ARSK: variants seen among roughly 807,000 people sequenced by gnomAD.
The protein encoded by ARSK is arylsulfatase K.
Under a neutral mutation model 53.2 loss-of-function variants are expected in ARSK, and 37 were observed. That is an observed-to-expected ratio of 0.70 (90% CI 0.54 to 0.92). ARSK has a LOEUF of 0.92. Among genes scored for constraint, ARSK ranks in the 40% least tolerant of loss-of-function variants. The probability of loss-of-function intolerance (pLI) is 0.00; values close to 1 mark genes in which losing one functional copy is unlikely to be tolerated. For missense variants in ARSK, 613 were observed against 643.0 expected, an observed-to-expected ratio of 0.95 and a Z score of 0.51; for synonymous variants, 208 against 223.2, an observed-to-expected ratio of 0.93 and a Z score of 0.61.
At chr5:95,562,524 A>G (rs1390293478) in intron 1 of ARSK, among the ~76,000 whole-genome samples, 2 of 152,206 alleles carry the variant, frequency 1.3e-5, no homozygotes, top group Admixed American at 6.5e-5. Context: ...TTTTATTAGG[A>G]TGATTAATTC....
chr5:95,558,053 C>T (rs924820120), intron 1 of ARSK, among the ~76,000 whole-genome samples: 2 of 152,326 alleles, frequency 1.3e-5, no homozygotes, highest in Middle Eastern at 3.4e-3. Flanking sequence ...ACTACTCCCC[C>T]TCGGCTCCCA....
At chr5:95,557,664 G>A (rs758198612) in intron 1 of ARSK, among the ~76,000 whole-genome samples, 2 of 152,174 alleles carry the variant, frequency 1.3e-5, no homozygotes, top group Admixed American at 1.3e-4. Flanking sequence ...TTGGTATGCT[G>A]TTAGATTCTT....
chr5:95,578,016 A>C (rs185079132), intron 3 of ARSK, among the ~76,000 whole-genome samples: 70 of 152,314 alleles, frequency 4.6e-4, no homozygotes, highest in African/African-American at 1.6e-3. Flanking sequence ...ATGATGTTCC[A>C]ACCTGAATTT....
intron 6 of ARSK, among the ~76,000 whole-genome samples, chr5:95,595,861 G>T (rs1399890964): frequency 6.6e-6 from 1 of 152,154 alleles, no homozygotes; most frequent in East Asian, 1.9e-4. Flanking sequence ...ATTTTAACAA[G>T]TGAAATGTGT....
chr5:95,562,162 G>A (rs1748646732), intron 1 of ARSK, among the ~76,000 whole-genome samples: 2 of 152,168 alleles, frequency 1.3e-5, no homozygotes, highest in African/African-American at 4.8e-5. Flanking sequence ...AGTGAACCGA[G>A]ATTGTGCCAC....
At position 95,582,963 on chromosome 5, in the gene ARSK, A is replaced by C. The variant is rs1376578508; in HGVS notation, c.464A>C (p.Gln155Pro). The change falls in exon 4 of 8, where the codon CAA (glutamine) becomes CCA (proline). Residue 155 changes from glutamine to proline, a missense_variant. By Grantham distance (76) the Gln-to-Pro change is moderately conservative (BLOSUM62 -1). Coordinates refer to ENST00000380009, the MANE Select transcript of ARSK (RefSeq NM_198150.3). Reference protein sequence around the residue: ...WTRDVAFLLRQEGRPMVNLIR... With the variant: ...WTRDVAFLLRPEGRPMVNLIR... Reference sequence around the variant, plus strand: ...AGAGATGTTGCTTTCTTACTCAGACAAGAAGGCAGGCCCATGGTTAATCTT... The same window carrying C: ...AGAGATGTTGCTTTCTTACTCAGACCAGAAGGCAGGCCCATGGTTAATCTT... 3.1e-6 allele frequency: 5 copies of C among 1,612,896 alleles called. No homozygotes were observed. Among genetic ancestry groups the C allele is most frequent in the Non-Finnish European group, 4.2e-6 (5 of 1,179,144 alleles).
At position 95,556,611 on chromosome 5, in the gene ARSK, A is replaced by C. The variant is rs1580211229; in HGVS notation, c.126+1207A>C. On this transcript the variant is annotated intron_variant, in intron 1 of 7. Transcript: ENST00000380009. ...TTCCTAAAAGGGAATCCGAATGTGG[A>C]TCACAACATCCCAGAAACTTCCAAA... is the stretch of plus-strand genomic sequence containing the variant. The C allele has an allele frequency of 1.6e-5, 3 of 190,996 alleles. No individual in the cohort carries two copies. The East Asian group carries it at 3.9e-4, about 25-fold the overall frequency. The allele number at this position is 190,996 out of a possible 1,614,324, so 11.8% of individuals were successfully genotyped here.
intron 1 of ARSK, among the ~76,000 whole-genome samples, chr5:95,557,820 A>G (rs1748551762): frequency 6.6e-6 from 1 of 152,264 alleles, no homozygotes. Context: ...CAAGAAAACA[A>G]GCAAACCAAA....
intron 5 of ARSK, among the ~76,000 whole-genome samples, chr5:95,586,953 T>C (rs1443026088): frequency 1.3e-5 from 2 of 152,154 alleles, no homozygotes; most frequent in African/African-American, 4.8e-5. Flanking sequence ...CTCAGATTTA[T>C]TCACACATAA....
At chr5:95,584,831 T>C (rs1206206568) in intron 4 of ARSK, among the ~76,000 whole-genome samples, 1 of 151,976 alleles carries the variant, frequency 6.6e-6, no homozygotes, top group East Asian at 1.9e-4. Context: ...ACCAACACGG[T>C]GAAACCCTGT....
At chr5:95,590,809 C>A (rs1729523511) in intron 5 of ARSK, among the ~76,000 whole-genome samples, 1 of 152,186 alleles carries the variant, frequency 6.6e-6, no homozygotes, top group Non-Finnish European at 1.5e-5. Context: ...TCCCATTATT[C>A]CCTATCCAAG....
intron 7 of ARSK, 49 bp from the exon 8 acceptor site, chr5:95,603,188 A>T (rs756316350): frequency 2.1e-6 from 3 of 1,439,294 alleles, no homozygotes; most frequent in East Asian, 4.6e-5. Flanking sequence ...TTCTAAAAAA[A>T]TTTTTAGCAG....
rs755977894 is a variant in ARSK, at chr5:95,555,291, TG to T, written c.16del (p.Val6CysfsTer33). On this transcript the variant is annotated frameshift_variant, in exon 1 of 8. Coordinates refer to ENST00000380009, the MANE Select transcript of ARSK (RefSeq NM_198150.3). LOFTEE classifies it high-confidence loss of function. This position sits in a 1 kb window ranked among gnomAD's most constrained non-coding sequence, Gnocchi z 4.0. Reference protein sequence around the residue: MLLLWVSVVAALALA... With the variant: MLLLXVSVVAALALA... The stretch of plus-strand genomic sequence containing the variant: ...ACCGCTACCGGCGATGCTACTGCTG[TG>T]GGTGTCGGTGGTCGCAGCCTTGGCG... 7 of 1,600,708 alleles carry T rather than the reference TG, an allele frequency of 4.4e-6. No homozygotes were observed. The highest frequency in any genetic ancestry group is 5.9e-6 in the Non-Finnish European group (7 of 1,178,672).
chr5:95,594,943 T>C (rs1396460470), intron 6 of ARSK, among the ~76,000 whole-genome samples: 1 of 152,244 alleles, frequency 6.6e-6, no homozygotes, highest in Non-Finnish European at 1.5e-5. Flanking sequence ...TTACATTTCA[T>C]ATTTCTTAGA....
chr5:95,594,993 A>C (rs992784628), intron 6 of ARSK, among the ~76,000 whole-genome samples: 13 of 152,220 alleles, frequency 8.5e-5, no homozygotes, highest in African/African-American at 2.9e-4. Context: ...TAATTTTAGG[A>C]AATAACCTGT....
chr5:95,567,989 A>G lies in ARSK; in HGVS notation c.356A>G (p.His119Arg), dbSNP rs749274012. 3 of 1,613,848 alleles carry G rather than the reference A, an allele frequency of 1.9e-6. No individual in the cohort carries two copies. The highest frequency in any genetic ancestry group is 1.1e-5 in the South Asian group (1 of 91,064). The part of the protein sequence containing the change: ...YTTWMDVMER[H>R]GYRTQKFGKL... ...ACATGGATGGATGTCATGGAGAGGC[A>G]TGGCTACCGAACACAGAAATTTGGG... Residue 119 changes from histidine (H) to arginine (R), a missense_variant, in exon 3 of 8, where the codon CAT (histidine) becomes CGT (arginine). By Grantham distance (29) the His-to-Arg change is conservative. Coordinates refer to ENST00000380009, the MANE Select transcript of ARSK (RefSeq NM_198150.3).
At chr5:95,556,176 T>C in intron 1 of ARSK, 1 of 702,228 alleles carries the variant, frequency 1.4e-6, no homozygotes, top group Non-Finnish European at 2.6e-6. Context: ...AAAGAGTGTT[T>C]GTAATCATAT....
At chr5:95,588,602 T>G (rs1749162323) in intron 5 of ARSK, among the ~76,000 whole-genome samples, 1 of 152,180 alleles carries the variant, frequency 6.6e-6, no homozygotes, top group Admixed American at 6.5e-5. Flanking sequence ...AAACATTAAG[T>G]ACCTACTAGC....
chr5:95,571,646 T>A lies in ARSK; in HGVS notation c.416+3597T>A, dbSNP rs17084908. ...GAAAAAAACACTTAGATGTTGATGT[T>A]TGGGATGTCAAAGATGGTTTTCAGT... On this transcript the variant is annotated intron_variant, in intron 3 of 7. Coordinates refer to ENST00000380009, the MANE Select transcript of ARSK (RefSeq NM_198150.3). Among the ~76,000 whole-genome samples, 1,209 of 152,310 alleles carry A rather than the reference T, an allele frequency of 7.9e-3. 17 individuals are homozygous for A. Among genetic ancestry groups the A allele is most frequent in the African/African-American group, 0.027 (1,118 of 41,570 alleles).
Sources: gnomAD v4.1 joint callset for allele counts (sites outside exome capture counted in the v4.1 genomes callset) on GRCh38, gnomAD v4.1.1 for gene constraint, Gnocchi (gnomAD v3.1) non-coding constraint, MANE v1.5 for transcripts, NCBI Gene and HGNC (gene_info 2026-07-23, HGNC 2026-07-21) for gene names.